TREML4: variants seen among roughly 807,000 people sequenced by gnomAD.
TREML4 encodes the protein trem-like transcript 4 protein.
TREML4 carries 25 observed loss-of-function variants against 25.4 expected under a neutral mutation model. The ratio of observed to expected loss-of-function variants is 0.98; its 90% CI spans 0.72 to 1.37. The LOEUF (loss-of-function observed/expected upper bound fraction) is 1.37. Among genes scored for constraint, TREML4 ranks in the 40% most tolerant of loss-of-function variants. TREML4 has a pLI of 0.00. For missense variants in TREML4, 268 were observed against 236.5 expected (o/e 1.13, Z -0.87); for synonymous variants, 92 against 87.9 (o/e 1.05, Z -0.26).
Position 41,229,062 on chromosome 6 carries a change from G to A in TREML4, c.394+18G>A. 3.8e-6 allele frequency: 6 copies of A among 1,597,812 alleles called. No homozygotes were observed. The highest frequency in any genetic ancestry group is 5.1e-6 in the Non-Finnish European group (6 of 1,169,458). Reference sequence around the variant, plus strand: ...GTCTCCAGGTGAGCTCTTTTCTTGAGGAAATACCTCTGTGCCACCCCCCAG... The same window carrying A: ...GTCTCCAGGTGAGCTCTTTTCTTGAAGAAATACCTCTGTGCCACCCCCCAG... On this transcript the variant is annotated intron_variant, in intron 2 of 5. Coordinates refer to ENST00000341495, the MANE Select transcript of TREML4 (RefSeq NM_198153.3).
intron 3 of TREML4, 74 bp downstream of exon 3, chr6:41,229,645 G>T (rs774089185): frequency 2.6e-5 from 39 of 1,513,856 alleles, no homozygotes; most frequent in Non-Finnish European, 3.6e-5. Flanking sequence ...TTCAGGGAAG[G>T]GGAAACCAGG....
At chr6:41,232,495 G>A (rs922825308) in intron 4 of TREML4, 4 of 219,646 alleles carry the variant, frequency 1.8e-5, no homozygotes, top group Admixed American at 4.9e-5. Flanking sequence ...ATTTTTCCAT[G>A]GACTTGGAGG....
chr6:41,229,132 T>C, intron 2 of TREML4, 88 bp downstream of exon 2: 1 of 1,193,058 alleles, frequency 8.4e-7, no homozygotes. Flanking sequence ...GCCTCTATCA[T>C]CCCCCATCCT....
Position 41,230,273 on chromosome 6 carries a change from C to G in TREML4, c.506+151C>G, listed in dbSNP as rs1285581232. On this transcript the variant is annotated intron_variant, in intron 4 of 5. Transcript: ENST00000341495. The stretch of plus-strand genomic sequence containing the variant: ...CAGCCGTGGAGCCCCCAGGCCATGA[C>G]TCAAAATTTGGTAGTGAGGAAAGGG... The G allele has an allele frequency of 4.9e-6, 3 of 609,504 alleles. No individual in the cohort carries two copies. In the African/African-American group the frequency reaches 5.4e-5, roughly 11 times the overall value. The allele number at this position is 609,504 out of a possible 1,614,324, so 37.8% of individuals were successfully genotyped here.
intron 4 of TREML4, 101 bp from the exon 5 acceptor site, chr6:41,236,385 A>G: frequency 1.0e-6 from 1 of 988,786 alleles, no homozygotes. Context: ...GCCCTTACGC[A>G]AACAGCTCCA....
chr6:41,230,224 T>G, intron 4 of TREML4, 102 bp downstream of exon 4: 2 of 980,910 alleles, frequency 2.0e-6, no homozygotes, highest in Non-Finnish European at 3.2e-6. Context: ...GGGATCCTTC[T>G]CTGGTGGGTT....
At position 41,238,869 on chromosome 6, in the gene TREML4, T is replaced by G. The variant is rs1465217507; in HGVS notation, c.*1850T>G. On this transcript the variant is annotated 3_prime_UTR_variant, in exon 6 of 6. Coordinates refer to ENST00000341495, the MANE Select transcript of TREML4 (RefSeq NM_198153.3). The stretch of plus-strand genomic sequence containing the variant: ...TGCTTGGAAATTTTCATAATTAAAA[T>G]GGTACCTAAAATTAAACACTTGTGT... The G allele has an allele frequency of 6.6e-6, 1 of 152,204 alleles. No homozygotes were observed. Among genetic ancestry groups the G allele is most frequent in the Non-Finnish European group, 1.5e-5 (1 of 68,032 alleles). 9.4% of individuals were successfully genotyped at this position (152,204 alleles called of 1,614,324 possible). A position where few individuals can be genotyped will look rare whatever the true frequency, so the allele number is the denominator to read the frequency against.
At chr6:41,230,915 C>T (rs1360202761) in intron 4 of TREML4, among the ~76,000 whole-genome samples, 1 of 152,218 alleles carries the variant, frequency 6.6e-6, no homozygotes, top group African/African-American at 2.4e-5. Context: ...CCATAGCTTG[C>T]ATTACTGCCT....
At chr6:41,231,799 C>T (rs1766805381) in intron 4 of TREML4, among the ~76,000 whole-genome samples, 1 of 151,978 alleles carries the variant, frequency 6.6e-6, no homozygotes, top group African/African-American at 2.4e-5. Flanking sequence ...AGTAGGTGTA[C>T]TAATGTATGA....
chr6:41,234,322 C>T (rs1037833404), intron 4 of TREML4, among the ~76,000 whole-genome samples: 2 of 151,816 alleles, frequency 1.3e-5, no homozygotes, highest in Non-Finnish European at 2.9e-5. Context: ...GTAATTAGTA[C>T]CTTTGAATAT....
chr6:41,234,076 A>T (rs1766853672), intron 4 of TREML4, among the ~76,000 whole-genome samples: 1 of 151,950 alleles, frequency 6.6e-6, no homozygotes, highest in African/African-American at 2.4e-5. Context: ...TTACAAAAGG[A>T]CACCTTGTAT....
At chr6:41,232,319 C>T in intron 4 of TREML4, 2 of 393,300 alleles carry the variant, frequency 5.1e-6, no homozygotes, top group Non-Finnish European at 5.3e-6. Flanking sequence ...GTAAGTGTGC[C>T]CAGCATCTTG....
At chr6:41,229,221 A>G (rs1044535507) in intron 2 of TREML4, among the ~76,000 whole-genome samples, 177 bp downstream of exon 2, 1 of 151,986 alleles carries the variant, frequency 6.6e-6, no homozygotes, top group South Asian at 2.1e-4. Context: ...TCCACCCGGT[A>G]CATCCTGGCC....
chr6:41,228,962 G>A lies in TREML4; in HGVS notation c.312G>A (p.Ser104=), dbSNP rs758082471. The change falls in exon 2 of 6, where the codon TCG becomes TCA. Residue 104 remains serine (S), a synonymous_variant. Transcript: ENST00000341495. ...ITMIQLTQND[S]GFYWCGIYNA... ...TGATTCAGCTGACACAGAATGACTC[G>A]GGATTCTACTGGTGTGGAATCTACA... 1.0e-4 allele frequency: 169 copies of A among 1,613,932 alleles called. No individual in the cohort carries two copies. Among genetic ancestry groups the A allele is most frequent in the Non-Finnish European group, 1.3e-4 (156 of 1,179,962 alleles).
At chr6:41,229,482 GC>G in intron 2 of TREML4, 38 bp from the exon 3 acceptor site, 1 of 1,609,564 alleles carries the variant, frequency 6.2e-7, no homozygotes, top group Non-Finnish European at 8.5e-7. Context: ...TCTCTTCTGG[GC>G]CCCTGGAGAG....
chr6:41,232,581 C>T (rs1179789344), intron 4 of TREML4: 2 of 155,724 alleles, frequency 1.3e-5, no homozygotes, highest in South Asian at 2.0e-4. Context: ...ATTATTATTA[C>T]ATTTTAATAT....
At chr6:41,236,668 T>C in intron 5 of TREML4, 51 bp downstream of exon 5, 2 of 1,063,848 alleles carry the variant, frequency 1.9e-6, no homozygotes, top group Non-Finnish European at 1.4e-6. Context: ...GGCCAGATTC[T>C]GTTCCTAGAA....
chr6:41,234,192 T>C (rs149201162), intron 4 of TREML4, among the ~76,000 whole-genome samples: 884 of 152,092 alleles, frequency 5.8e-3, no homozygotes, highest in Non-Finnish European at 9.4e-3. Flanking sequence ...AGAAATAAAA[T>C]AGCACTTTTC....
In TREML4 at chr6:41,229,731, G is replaced by C. The variant is rs1766750559; in HGVS notation, c.445+160G>C. 3.9e-6 allele frequency: 3 copies of C among 761,070 alleles called. No individual in the cohort carries two copies. In the Admixed American group the frequency reaches 5.9e-5, roughly 15 times the overall value. The allele number at this position is 761,070 out of a possible 1,614,324, so 47.1% of individuals were successfully genotyped here. On this transcript the variant is annotated intron_variant, in intron 3 of 5. Transcript: ENST00000341495. ...TACCTTCAGGGCCCACTGTCTCTTA[G>C]GGAGAGAAACATGCACTATCTGATG... is the stretch of plus-strand genomic sequence containing the variant.
Sources: gnomAD v4.1 joint callset for allele counts (sites outside exome capture counted in the v4.1 genomes callset) on GRCh38, gnomAD v4.1.1 for gene constraint, MANE v1.5 for transcripts, NCBI Gene and HGNC (gene_info 2026-07-23, HGNC 2026-07-21) for gene names.